KCNG2: variants seen among roughly 807,000 people sequenced by gnomAD.
KCNG2 encodes potassium voltage-gated channel modifier subfamily G member 2, also known as voltage-gated potassium channel regulatory subunit KCNG2.
A neutral mutation model predicts 12.3 loss-of-function variants in KCNG2; 7 were observed. The ratio of observed to expected loss-of-function variants is 0.57; its 90% CI spans 0.32 to 1.07. The LOEUF (loss-of-function observed/expected upper bound fraction) is 1.07, where lower values mean the gene tolerates loss of function less well. Ranked by LOEUF, KCNG2 falls within the 50% of genes least tolerant of loss-of-function variation. KCNG2 has a pLI of 0.04. For synonymous variants in KCNG2, 414 were observed against 351.4 expected, an observed-to-expected ratio of 1.18 and a Z score of -1.99; for missense variants, 703 against 726.0, an observed-to-expected ratio of 0.97 and a Z score of 0.36.
intron 3 of KCNG2, among the ~76,000 whole-genome samples, chr18:79,887,473 A>ATT (rs1980570633): frequency 6.6e-6 from 1 of 152,038 alleles, no homozygotes; most frequent in Non-Finnish European, 1.5e-5. Flanking sequence ...TCCGGCCTGA[A>ATT]TTTGCCAACT....
At chr18:79,830,909 C>T (rs1347510213) in intron 1 of KCNG2, among the ~76,000 whole-genome samples, 10 of 104,994 alleles carry the variant, frequency 9.5e-5, no homozygotes, top group African/African-American at 3.1e-4. Flanking sequence ...GGGTTCCCTG[C>T]GGACAGAGCC....
chr18:79,887,173 CAGGG>C (rs929380610), intron 3 of KCNG2, among the ~76,000 whole-genome samples: 11 of 140,404 alleles, frequency 7.8e-5, no homozygotes, highest in Non-Finnish European at 1.3e-4. Flanking sequence ...GACAAGGACA[CAGGG>C]AGGGACACAG....
chr18:79,825,499 G>A (rs572274419), intron 1 of KCNG2, among the ~76,000 whole-genome samples: 1 of 152,302 alleles, frequency 6.6e-6, no homozygotes, highest in Admixed American at 6.5e-5. Context: ...CTGACGAAAT[G>A]CCTCTTCATA....
intron 1 of KCNG2, among the ~76,000 whole-genome samples, chr18:79,835,263 C>A (rs1406855357): frequency 6.6e-6 from 1 of 152,200 alleles, no homozygotes; most frequent in Non-Finnish European, 1.5e-5. Flanking sequence ...CTCAAAATGT[C>A]TAGGTTTCCA....
Position 79,863,614 on chromosome 18 carries a change from C to G in KCNG2, c.-40-14C>G. 8.4e-7 allele frequency: 1 copy of G among 1,192,622 alleles called. No homozygotes were observed. 73.9% of individuals were successfully genotyped at this position (1,192,622 alleles called of 1,614,324 possible). On this transcript the variant is annotated splice_polypyrimidine_tract_variant and intron_variant, in intron 2 of 3. Transcript: ENST00000316249. The stretch of plus-strand genomic sequence containing the variant: ...CAGCCCTCGCGACCCTAACGCGGTC[C>G]GTTCCTTTTGCAGGAGCCGGGCAGG...
chr18:79,877,337 C>G (rs1464070604), intron 3 of KCNG2, among the ~76,000 whole-genome samples: 2 of 152,164 alleles, frequency 1.3e-5, no homozygotes, highest in Admixed American at 6.5e-5. Flanking sequence ...TGGCTCCCGG[C>G]TCTCAGTGGC....
At chr18:79,857,633 A>G (rs1164505878) in intron 2 of KCNG2, among the ~76,000 whole-genome samples, 2 of 151,958 alleles carry the variant, frequency 1.3e-5, no homozygotes, top group Non-Finnish European at 2.9e-5. Flanking sequence ...GTCCTAGAAT[A>G]CAGTTGTCAG....
chr18:79,825,388 C>G (rs1265851280), intron 1 of KCNG2, among the ~76,000 whole-genome samples: 3 of 152,348 alleles, frequency 2.0e-5, no homozygotes, highest in Admixed American at 1.3e-4. Context: ...GCCTTGTTTT[C>G]AAAGCAGCAC....
At chr18:79,887,568 C>G (rs1356720104) in intron 3 of KCNG2, among the ~76,000 whole-genome samples, 3 of 152,266 alleles carry the variant, frequency 2.0e-5, no homozygotes, top group African/African-American at 7.2e-5. Flanking sequence ...TAACCACCCC[C>G]CAGCTGGGCG....
At chr18:79,854,748 C>T (rs989245069) in intron 1 of KCNG2, among the ~76,000 whole-genome samples, 4 of 152,160 alleles carry the variant, frequency 2.6e-5, no homozygotes, top group Admixed American at 1.3e-4. Flanking sequence ...CTCCTGACCA[C>T]GTGATCCGCC....
chr18:79,861,432 C>T (rs548535092), intron 2 of KCNG2, among the ~76,000 whole-genome samples: 1 of 152,160 alleles, frequency 6.6e-6, no homozygotes, highest in Non-Finnish European at 1.5e-5. Flanking sequence ...GCACCTGCCA[C>T]CACACCCCGC....
At chr18:79,858,942 C>T (rs1361460650) in intron 2 of KCNG2, among the ~76,000 whole-genome samples, 1 of 152,198 alleles carries the variant, frequency 6.6e-6, no homozygotes, top group African/African-American at 2.4e-5. Flanking sequence ...TGTTGAGCTC[C>T]AAGAGTTCCT....
At chr18:79,829,254 GTGTGTCTGTGTGTGCA>G (rs1375590105) in intron 1 of KCNG2, among the ~76,000 whole-genome samples, 2 of 148,692 alleles carry the variant, frequency 1.3e-5, no homozygotes, top group Non-Finnish European at 3.0e-5. Context: ...GTGTCTGCGT[GTGTGTCTGTGTGTGCA>G]TGTGTCTGTG....
At chr18:79,806,457 T>C (rs1378489837) in intron 1 of KCNG2, among the ~76,000 whole-genome samples, 1 of 152,202 alleles carries the variant, frequency 6.6e-6, no homozygotes, top group African/African-American at 2.4e-5. Flanking sequence ...GTGCTCTGCA[T>C]GGCCTGCGAC....
At chr18:79,852,282 T>G (rs999111197) in intron 1 of KCNG2, among the ~76,000 whole-genome samples, 5 of 152,244 alleles carry the variant, frequency 3.3e-5, no homozygotes, top group African/African-American at 9.6e-5. Flanking sequence ...TGGGCATCGT[T>G]ATTTCCAATA....
rs2087428433 is a variant in KCNG2 at position 79,803,711 on chromosome 18, T to C, written c.-115+5697T>C. Reference sequence around the variant, plus strand: ...CGCCCCAGCAGGGAGCCTGCCCTCCTGTCCAGGAGCCCTCACAGCTCAGCC... The same window carrying C: ...CGCCCCAGCAGGGAGCCTGCCCTCCCGTCCAGGAGCCCTCACAGCTCAGCC... On this transcript the variant is annotated intron_variant, in intron 1 of 3. Coordinates refer to ENST00000316249, the MANE Select transcript of KCNG2 (RefSeq NM_012283.2). The surrounding 1 kb of genome is among the most constrained non-coding windows in gnomAD (Gnocchi z 4.5). 6.6e-6 allele frequency among the ~76,000 whole-genome samples: 1 copy of C among 152,186 alleles called. No individual in the cohort carries two copies. The highest frequency in any genetic ancestry group is 2.4e-5 in the African/African-American group (1 of 41,446).
intron 3 of KCNG2, among the ~76,000 whole-genome samples, chr18:79,868,635 G>C (rs1364930095): frequency 6.6e-6 from 1 of 152,240 alleles, no homozygotes; most frequent in Non-Finnish European, 1.5e-5. Flanking sequence ...CGTCCAGCTG[G>C]GGGCTGGTGA....
chr18:79,880,730 CAT>C (rs1316940984), intron 3 of KCNG2, among the ~76,000 whole-genome samples: 14 of 152,160 alleles, frequency 9.2e-5, no homozygotes, highest in African/African-American at 3.4e-4. Context: ...TTGGTAAAGA[CAT>C]AAAAAGCACA....
chr18:79,879,394 C>T (rs1980204651), intron 3 of KCNG2, among the ~76,000 whole-genome samples: 1 of 152,160 alleles, frequency 6.6e-6, no homozygotes, highest in Admixed American at 6.5e-5. Flanking sequence ...AAAGGATAGA[C>T]ATGGGGCTTG....
Sources: allele counts gnomAD v4.1 joint callset (sites outside exome capture counted in the v4.1 genomes callset), GRCh38; gene constraint gnomAD v4.1.1; non-coding constraint Gnocchi (gnomAD v3.1); transcripts MANE v1.5; gene names NCBI Gene and HGNC (gene_info 2026-07-23, HGNC 2026-07-21).